Variants in HNRNPUL1 observed in about 807,000 individuals in gnomAD.
The protein encoded by HNRNPUL1 is heterogeneous nuclear ribonucleoprotein U like 1, also known as heterogeneous nuclear ribonucleoprotein U-like protein 1.
Under a neutral mutation model 108.5 loss-of-function variants are expected in HNRNPUL1, and 14 were observed. The observed-to-expected ratio is 0.13, with a 90% confidence interval of 0.09 to 0.20. The LOEUF is 0.20. Ranked by LOEUF, HNRNPUL1 falls within the 10% of genes least tolerant of loss-of-function variation. The pLI is 1.00. For missense variants in HNRNPUL1, 804 were observed against 1,168.3 expected, an observed-to-expected ratio of 0.69 and a Z score of 4.55; for synonymous variants, 422 against 445.2, an observed-to-expected ratio of 0.95 and a Z score of 0.66.
intron 7 of HNRNPUL1, 22 bp downstream of exon 7, chr19:41,281,297 G>A: frequency 6.6e-7 from 1 of 1,523,260 alleles, no homozygotes; most frequent in Non-Finnish European, 9.1e-7. Flanking sequence ...CAGCCTGTGG[G>A]AGTTGGCAGA....
intron 5 of HNRNPUL1, chr19:41,278,234 T>C (rs2035691904): frequency 6.6e-6 from 1 of 152,076 alleles, no homozygotes; most frequent in African/African-American, 2.4e-5. Flanking sequence ...TAATTTTTTG[T>C]ATTTTTAGTA....
intron 3 of HNRNPUL1, among the ~76,000 whole-genome samples, chr19:41,273,472 C>T (rs895912080): frequency 6.6e-6 from 1 of 152,116 alleles, no homozygotes. Flanking sequence ...AAATGAATAT[C>T]GTTTATAATT....
At chr19:41,297,322 G>A (rs947887750) in intron 10 of HNRNPUL1, among the ~76,000 whole-genome samples, 1 of 152,250 alleles carries the variant, frequency 6.6e-6, no homozygotes, top group African/African-American at 2.4e-5. Flanking sequence ...GAATGTCTGA[G>A]TCGGGGCACA....
intron 6 of HNRNPUL1, among the ~76,000 whole-genome samples, chr19:41,280,497 G>T (rs1395532118): frequency 6.6e-6 from 1 of 152,130 alleles, no homozygotes; most frequent in Non-Finnish European, 1.5e-5. Flanking sequence ...TGTAGGTGGT[G>T]GCAGTTGATA....
At position 41,264,546 on chromosome 19, in the gene HNRNPUL1, C is replaced by A. The variant is rs778542918; in HGVS notation, c.43C>A (p.Leu15Met). 6.6e-7 allele frequency: 1 copy of A among 1,503,842 alleles called. No individual in the cohort carries two copies. The highest frequency in any genetic ancestry group is 1.2e-5 in the South Asian group (1 of 81,446). The allele number at this position is 1,503,842 out of a possible 1,614,324, so 93.2% of individuals were successfully genotyped here. ...RLKVNELREE[L>M]QRRGLDTRGL... ...GAAGGTGAACGAACTTCGCGAGGAG[C>A]TGCAGCGCCGCGGCCTGGACACTCG... is the stretch of plus-strand genomic sequence containing the variant. Residue 15 changes from leucine to methionine, a missense_variant, in exon 1 of 15, where the codon CTG becomes ATG. This residue lies in a region of HNRNPUL1 where 256 missense variants were observed against 261.6 expected (regional missense o/e 0.98). Coordinates refer to ENST00000392006, the MANE Select transcript of HNRNPUL1 (RefSeq NM_007040.6).
rs1209277520 is a variant in HNRNPUL1, at chr19:41,272,195, A to G, written c.532A>G (p.Asn178Asp). 4.3e-6 allele frequency: 7 copies of G among 1,614,018 alleles called. No individual in the cohort carries two copies. In the South Asian group the frequency reaches 7.7e-5, roughly 18 times the overall value. ...GAGTCGAAAGAGGCCTTATGAAGAA[A>G]ACCGGGGACGGGGGTACTTTGAGCA... ...FQSRKRPYEE[N>D]RGRGYFEHRE... The change falls in exon 3 of 15, where the codon AAC becomes GAC. Residue 178 changes from asparagine (N) to aspartate (D), a missense_variant. Transcript: ENST00000392006.
chr19:41,268,088 G>A (rs1044299024), intron 1 of HNRNPUL1, 135 bp from the exon 2 acceptor site: 4 of 826,200 alleles, frequency 4.8e-6, no homozygotes, highest in Non-Finnish European at 7.4e-6. Context: ...TAGTATGCAT[G>A]CCATGAATAG....
chr19:41,283,023 C>T (rs1178492089), intron 7 of HNRNPUL1, among the ~76,000 whole-genome samples: 1 of 152,146 alleles, frequency 6.6e-6, no homozygotes, highest in Non-Finnish European at 1.5e-5. Context: ...TTGGAAACTT[C>T]TTTGGAGATT....
At chr19:41,265,277 A>G in intron 1 of HNRNPUL1, 1 of 1,382,202 alleles carries the variant, frequency 7.2e-7, no homozygotes, top group Non-Finnish European at 9.5e-7. Flanking sequence ...CGGGGCTGCG[A>G]GAGTTCTGAG....
chr19:41,290,567 T>C (rs12327659), intron 7 of HNRNPUL1, among the ~76,000 whole-genome samples: 30,918 of 152,126 alleles, frequency 0.2, 3,501 homozygotes, highest in East Asian at 0.35. Context: ...TGCCTGACAT[T>C]TTGCAGTGAT....
At chr19:41,275,043 C>T (rs1326708329) in intron 4 of HNRNPUL1, among the ~76,000 whole-genome samples, 1 of 152,090 alleles carries the variant, frequency 6.6e-6, no homozygotes, top group Non-Finnish European at 1.5e-5. Flanking sequence ...GCGTGACTGG[C>T]TCCTTGAATA....
At chr19:41,290,151 G>A (rs1568448117) in intron 7 of HNRNPUL1, among the ~76,000 whole-genome samples, 1 of 152,090 alleles carries the variant, frequency 6.6e-6, no homozygotes, top group African/African-American at 2.4e-5. Context: ...CTTCTTGAAG[G>A]GCAATTCCCA....
chr19:41,291,159 C>G (rs1465431703), intron 7 of HNRNPUL1, among the ~76,000 whole-genome samples: 1 of 152,166 alleles, frequency 6.6e-6, no homozygotes, highest in Non-Finnish European at 1.5e-5. Context: ...GAATTACTTC[C>G]CCCTCATCTT....
At chr19:41,269,795 G>A (rs2035103899) in intron 2 of HNRNPUL1, among the ~76,000 whole-genome samples, 1 of 152,088 alleles carries the variant, frequency 6.6e-6, no homozygotes, top group African/African-American at 2.4e-5. Context: ...GGAAGACCTT[G>A]CCTTAAAAAT....
chr19:41,300,477 A>T (rs894840961), intron 10 of HNRNPUL1, among the ~76,000 whole-genome samples: 16 of 152,274 alleles, frequency 1.1e-4, no homozygotes, highest in Admixed American at 8.5e-4. Context: ...GAGTTTCCAT[A>T]GGGAGGGTAC....
upstream of HNRNPUL1, chr19:41,264,242 GTT>G: frequency 2.7e-6 from 1 of 363,984 alleles, no homozygotes; most frequent in East Asian, 4.0e-5. Flanking sequence ...TCTCGTGGCC[GTT>G]GTTTTGAAAA....
Position 41,301,045 on chromosome 19 carries a change from C to T in HNRNPUL1, c.1519-491C>T, listed in dbSNP as rs528517206. ...AGTTTCACGTTACATGAAAAAGCCT[C>T]AGGAGGATGTGCATAATACAATTCT... is the stretch of plus-strand genomic sequence containing the variant. On this transcript the variant is annotated intron_variant, in intron 10 of 14. Coordinates refer to ENST00000392006, the MANE Select transcript of HNRNPUL1 (RefSeq NM_007040.6). Among the ~76,000 whole-genome samples, 27 of 152,316 alleles carry T rather than the reference C, an allele frequency of 1.8e-4. No homozygotes were observed. In the East Asian group the frequency reaches 5.2e-3, roughly 29 times the overall value.
At chr19:41,291,258 A>G (rs767187501) in intron 7 of HNRNPUL1, among the ~76,000 whole-genome samples, 4 of 152,120 alleles carry the variant, frequency 2.6e-5, no homozygotes, top group Non-Finnish European at 2.9e-5. Context: ...GCTTCTAGGT[A>G]GGTCATCTTA....
Position 41,276,207 on chromosome 19 carries a change from A to G in HNRNPUL1, c.695A>G (p.Tyr232Cys), listed in dbSNP as rs2035545609. The stretch of plus-strand genomic sequence containing the variant: ...GTGGCCCGAGATCGGAGTAGTGGCT[A>G]TCCGCTCACAATTGAGGGCTTTGCA... ...FKVARDRSSG[Y>C]PLTIEGFAYL... The change falls in exon 5 of 15, where the codon TAT becomes TGT. Residue 232 changes from tyrosine to cysteine, a missense_variant. By Grantham distance (194) the Tyr-to-Cys change is radical (BLOSUM62 -2). Coordinates refer to ENST00000392006, the MANE Select transcript of HNRNPUL1 (RefSeq NM_007040.6). 3.7e-6 allele frequency: 6 copies of G among 1,613,920 alleles called. No homozygotes were observed. Among genetic ancestry groups the G allele is most frequent in the Non-Finnish European group, 5.1e-6 (6 of 1,179,992 alleles).
Sources: allele counts gnomAD v4.1 joint callset (sites outside exome capture counted in the v4.1 genomes callset), GRCh38; gene constraint gnomAD v4.1.1; regional missense constraint gnomAD v4.1.1; transcripts MANE v1.5; gene names NCBI Gene and HGNC (gene_info 2026-07-23, HGNC 2026-07-21).